DIP2C: variants seen among roughly 807,000 people sequenced by gnomAD.
The protein encoded by DIP2C is DIP2 acetate--CoA ligase C (putative).
A neutral mutation model predicts 192.4 loss-of-function variants in DIP2C; 33 were observed. The observed-to-expected ratio is 0.17, with a 90% CI of 0.13 to 0.23. The LOEUF (loss-of-function observed/expected upper bound fraction) is 0.23. Ranked by LOEUF, DIP2C falls within the 10% of genes least tolerant of loss-of-function variation. The probability of loss-of-function intolerance (pLI) is 1.00; values close to 1 mark genes in which losing one functional copy is unlikely to be tolerated. For synonymous variants in DIP2C, 979 were observed against 864.1 expected (o/e 1.13, Z -2.33); for missense variants, 1,537 against 2,110.1 (o/e 0.73, Z 5.32).
chr10:689,387 C>T lies in DIP2C; in HGVS notation c.85+107G>A, dbSNP rs867309516. The T allele has an allele frequency of 1.1e-5, 7 of 616,200 alleles. No individual in the cohort carries two copies. The South Asian group carries it at 2.1e-4, about 18-fold the overall frequency. The allele number at this position is 616,200 out of a possible 1,614,324, so 38.2% of individuals were successfully genotyped here. ...GCTCCGGGCTGGGGTCGCACCTCCC[C>T]CTCCGGGCCCGGCCCCCGCCCCGCC... On this transcript the variant is annotated intron_variant, in intron 1 of 36. Coordinates refer to ENST00000280886, the MANE Select transcript of DIP2C (RefSeq NM_014974.3). The surrounding 1 kb of genome is among the most constrained non-coding windows in gnomAD (Gnocchi z 6.1).
intron 29 of DIP2C, among the ~76,000 whole-genome samples, chr10:333,457 A>G (rs7087181): frequency 0.98 from 149,782 of 152,294 alleles, 73,699 homozygotes; most frequent in Middle Eastern, 1. Flanking sequence ...ACACAGCCAC[A>G]CTTCCCTCCC....
chr10:615,370 T>C (rs923049179), intron 1 of DIP2C, among the ~76,000 whole-genome samples: 1 of 152,148 alleles, frequency 6.6e-6, no homozygotes, highest in African/African-American at 2.4e-5. Flanking sequence ...GCCACCCGCA[T>C]AGGGGCCACG....
Position 341,337 on chromosome 10 carries a change from A to G in DIP2C, c.3454-8T>C, listed in dbSNP as rs575516033. ...GGTGGCTGCGTGAGACATCTGCAAA[A>G]TACAAGGCTGTGTTAAACGCATCGG... is the stretch of plus-strand genomic sequence containing the variant. On this transcript the variant is annotated splice_polypyrimidine_tract_variant and splice_region_variant and intron_variant, in intron 28 of 36. Transcript: ENST00000280886. 3.1e-6 allele frequency: 5 copies of G among 1,613,598 alleles called. No individual in the cohort carries two copies. In the African/African-American group the frequency reaches 4.0e-5, roughly 13 times the overall value.
At chr10:388,057 C>T (rs111926170) in intron 13 of DIP2C, among the ~76,000 whole-genome samples, 6 of 152,040 alleles carry the variant, frequency 3.9e-5, no homozygotes, top group African/African-American at 9.7e-5. Flanking sequence ...CACCTTAAAA[C>T]GCAGCGTTCC....
chr10:362,611 A>G lies in DIP2C; in HGVS notation c.2673T>C (p.Gly891=). The part of the protein sequence containing the change: ...PANTLPKTPL[G]GIHLSETKQL... ...GTTTTGTTTCTGATAAATGGATCCC[A>G]CCAAGCGGGGTTTTGGGGAGGGTGT... The change falls in exon 22 of 37, where the codon GGT becomes GGC. Residue 891 remains glycine (G), a synonymous_variant. Transcript: ENST00000280886. 6.2e-7 allele frequency: 1 copy of G among 1,614,162 alleles called. No individual in the cohort carries two copies. Among genetic ancestry groups the G allele is most frequent in the Admixed American group, 1.7e-5 (1 of 60,032 alleles).
At chr10:349,049 C>T (rs1470935308) in intron 25 of DIP2C, among the ~76,000 whole-genome samples, 5 of 152,210 alleles carry the variant, frequency 3.3e-5, no homozygotes, top group Admixed American at 3.3e-4. Flanking sequence ...GATTTAGGTA[C>T]TATTAAGTGA....
chr10:528,290 G>A (rs1847172705), intron 1 of DIP2C, among the ~76,000 whole-genome samples: 1 of 151,786 alleles, frequency 6.6e-6, no homozygotes, highest in Non-Finnish European at 1.5e-5. Flanking sequence ...CCAGAACATA[G>A]ACTGCCTGCT....
Position 652,819 on chromosome 10 carries a change from G to A in DIP2C, c.85+36675C>T. 6.6e-6 allele frequency among the ~76,000 whole-genome samples: 1 copy of A among 151,568 alleles called. No individual in the cohort carries two copies. Among genetic ancestry groups the A allele is most frequent in the Non-Finnish European group, 1.5e-5 (1 of 67,922 alleles). On this transcript the variant is annotated intron_variant, in intron 1 of 36. Coordinates refer to ENST00000280886, the MANE Select transcript of DIP2C (RefSeq NM_014974.3). This position sits in a 1 kb window ranked among gnomAD's most constrained non-coding sequence, Gnocchi z 4.5. ...TTTTTTAAACAGAAATGGCACCAGG[G>A]CAGATGATGATTTTTTGTACCATTT...
chr10:369,376 T>G (rs1960682703), intron 18 of DIP2C, 118 bp downstream of exon 18: 3 of 1,278,054 alleles, frequency 2.3e-6, no homozygotes, highest in South Asian at 1.8e-5. Context: ...GGAGTGAGGC[T>G]CTCAGCCTGA....
In DIP2C at chr10:366,377, A is replaced by G. The variant is rs1960211138; in HGVS notation, c.2166T>C (p.Pro722=). 1 of 1,614,232 alleles carries G rather than the reference A, an allele frequency of 6.2e-7. No individual in the cohort carries two copies. The highest frequency in any genetic ancestry group is 2.2e-5 in the East Asian group (1 of 44,886). The change falls in exon 19 of 37, where the codon CCT becomes CCC. Residue 722 remains proline, a synonymous_variant. Transcript: ENST00000280886. ...IMCSVKPDGV[P]QLCRTDEIGE... ...CGATCTCATCCGTTCTGCACAGCTG[A>G]GGAACCCCGTCTGGCTTCACTGAAC...
intron 32 of DIP2C, among the ~76,000 whole-genome samples, chr10:298,091 T>G (rs747610221): frequency 8.5e-5 from 13 of 152,316 alleles, no homozygotes; most frequent in Non-Finnish European, 1.8e-4. Flanking sequence ...AAATCTATCC[T>G]TTACTCAGCC....
chr10:331,077 A>G (rs942668742), intron 29 of DIP2C, among the ~76,000 whole-genome samples: 11 of 151,350 alleles, frequency 7.3e-5, no homozygotes, highest in Non-Finnish European at 1.5e-4. Flanking sequence ...TAGCCTCCCA[A>G]AGTGCTAGGA....
chr10:491,142 A>G (rs969143649), intron 1 of DIP2C, among the ~76,000 whole-genome samples: 3 of 152,194 alleles, frequency 2.0e-5, no homozygotes, highest in East Asian at 3.8e-4. Flanking sequence ...ACCAGTGCAG[A>G]GCCAGTGCTG....
chr10:413,946 T>C lies in DIP2C; in HGVS notation c.1024A>G (p.Thr342Ala). ...PKAPCLTTMD[T>A]NGKPLYILTY... is the part of the protein sequence containing the mutation. ...AGGATGTAGAGGGGCTTCCCGTTGG[T>C]GTCCATGGTGGTCAGGCAGGGCGCC... The change falls in exon 8 of 37, where the codon ACC (threonine) becomes GCC (alanine). Residue 342 changes from threonine (T) to alanine (A), a missense_variant. Thr to Ala is a moderately conservative substitution (Grantham distance 58, BLOSUM62 0). Around this residue, in one of 4 missense-constraint regions of DIP2C, gnomAD observed 473 missense variants for 539.6 expected, o/e 0.88. Coordinates refer to ENST00000280886, the MANE Select transcript of DIP2C (RefSeq NM_014974.3). 6.2e-7 allele frequency: 1 copy of C among 1,614,174 alleles called. No homozygotes were observed. Among genetic ancestry groups the C allele is most frequent in the Non-Finnish European group, 8.5e-7 (1 of 1,180,022 alleles).
chr10:517,340 G>A (rs1846426963), intron 1 of DIP2C, among the ~76,000 whole-genome samples: 1 of 152,128 alleles, frequency 6.6e-6, no homozygotes, highest in African/African-American at 2.4e-5. Flanking sequence ...CCCTAATTCA[G>A]ACATTAGGTG....
intron 1 of DIP2C, among the ~76,000 whole-genome samples, chr10:588,697 C>G (rs1050055494): frequency 1.2e-4 from 19 of 152,216 alleles, no homozygotes; most frequent in African/African-American, 3.4e-4. Flanking sequence ...AGCCTTCGAG[C>G]TCCTCCAGCT....
intron 10 of DIP2C, among the ~76,000 whole-genome samples, chr10:395,452 A>G (rs1202251887): frequency 6.6e-6 from 1 of 152,206 alleles, no homozygotes; most frequent in African/African-American, 2.4e-5. Flanking sequence ...TTTAAAAAGT[A>G]AAATCAAGTC....
intron 34 of DIP2C, 119 bp downstream of exon 34, chr10:286,154 A>T: frequency 3.4e-6 from 3 of 883,730 alleles, no homozygotes; most frequent in Non-Finnish European, 5.5e-6. Flanking sequence ...ATCATAACTC[A>T]CTCAGCTCAA....
intron 1 of DIP2C, among the ~76,000 whole-genome samples, chr10:525,695 G>A (rs1190775210): frequency 2.0e-5 from 3 of 152,158 alleles, no homozygotes; most frequent in Admixed American, 1.3e-4. Context: ...CTTCGTAGGT[G>A]GAGAAAGGAA....
Sources: allele counts gnomAD v4.1 joint callset (sites outside exome capture counted in the v4.1 genomes callset), GRCh38; gene constraint gnomAD v4.1.1; regional missense constraint gnomAD v4.1.1; non-coding constraint Gnocchi (gnomAD v3.1); transcripts MANE v1.5; gene names NCBI Gene and HGNC (gene_info 2026-07-23, HGNC 2026-07-21).